AP2A2: variants seen among roughly 807,000 people sequenced by gnomAD.
AP2A2 encodes the protein adaptor related protein complex 2 subunit alpha 2, also known as AP-2 complex subunit alpha-2.
In AP2A2, 32 loss-of-function variants were observed where a neutral mutation model predicts 104.2. The ratio of observed to expected loss-of-function variants is 0.31; its 90% CI spans 0.23 to 0.41. The LOEUF (loss-of-function observed/expected upper bound fraction) is 0.41, where lower values mean the gene tolerates loss of function less well. Ranked by LOEUF, AP2A2 falls within the 10% of genes least tolerant of loss-of-function variation. AP2A2 has a pLI of 1.00. For synonymous variants in AP2A2, 539 were observed against 533.3 expected, an observed-to-expected ratio of 1.01 and a Z score of -0.15; for missense variants, 912 against 1,261.0, an observed-to-expected ratio of 0.72 and a Z score of 4.19.
At chr11:1,008,973 G>A (rs1856305765) in intron 18 of AP2A2, 127 bp from the exon 19 acceptor site, 3 of 727,118 alleles carry the variant, frequency 4.1e-6, no homozygotes, top group Admixed American at 2.5e-5. Context: ...CTGAAGGCTC[G>A]GCCCCCCGAC....
Position 1,011,812 on chromosome 11 carries a change from G to A in AP2A2, c.*1187G>A, listed in dbSNP as rs1171211936. 2 of 298,554 alleles carry A rather than the reference G, an allele frequency of 6.7e-6. No individual in the cohort carries two copies. Among genetic ancestry groups the A allele is most frequent in the Non-Finnish European group, 1.3e-5 (2 of 151,248 alleles). The allele number at this position is 298,554 out of a possible 1,614,324, so 18.5% of individuals were successfully genotyped here. A position where few individuals can be genotyped will look rare whatever the true frequency, so the allele number is the denominator to read the frequency against. On this transcript the variant is annotated 3_prime_UTR_variant, in exon 22 of 22. Transcript: ENST00000448903. Reference sequence around the variant, plus strand: ...GTTGCCTGCTGTGCGGGTCCCTGGGGCAGCTGCAGGGGCTCATGGACCCAT... The same window carrying A: ...GTTGCCTGCTGTGCGGGTCCCTGGGACAGCTGCAGGGGCTCATGGACCCAT...
chr11:1,003,393 A>G (rs2133777159), intron 15 of AP2A2, among the ~76,000 whole-genome samples: 2 of 152,360 alleles, frequency 1.3e-5, no homozygotes, highest in Middle Eastern at 6.8e-3. Flanking sequence ...TGGTGGGGCC[A>G]GAAGCTGTGT....
At chr11:985,310 TG>T in intron 7 of AP2A2, 124 bp from the exon 8 acceptor site, 2 of 1,282,470 alleles carry the variant, frequency 1.6e-6, no homozygotes, top group Non-Finnish European at 2.1e-6. Context: ...TGCTTCCAGC[TG>T]GGTACACAAA....
Position 986,935 on chromosome 11 carries a change from G to A in AP2A2, c.1113G>A (p.Thr371=), listed in dbSNP as rs754578586. 1.0e-5 allele frequency: 16 copies of A among 1,589,668 alleles called. No individual in the cohort carries two copies. The highest frequency in any genetic ancestry group is 1.7e-4 in the Middle Eastern group (1 of 6,058). The change falls in exon 9 of 22, where the codon ACG becomes ACA. Residue 371 remains threonine, a synonymous_variant. Transcript: ENST00000448903. ...SHEAVKTHIE[T]VINALKTERD... ...AGGCTGTCAAGACGCACATCGAGAC[G>A]GTCATCAACGCCCTGAAGGCGAGTG...
At chr11:944,446 C>CA (rs1461914840) in intron 1 of AP2A2, among the ~76,000 whole-genome samples, 1 of 152,208 alleles carries the variant, frequency 6.6e-6, no homozygotes, top group Admixed American at 6.5e-5. Flanking sequence ...ATGGAGCTTG[C>CA]ATTCTAGTGG....
chr11:947,355 G>C (rs1250265045), intron 1 of AP2A2, among the ~76,000 whole-genome samples: 1 of 152,102 alleles, frequency 6.6e-6, no homozygotes, highest in African/African-American at 2.4e-5. Flanking sequence ...TAATTATAAA[G>C]CTGTTTTGAT....
At position 926,108 on chromosome 11, in the gene AP2A2, T is replaced by TGGGGCC. The variant is rs761173840; in HGVS notation, c.67+34_67+39dup. ...GCAACTGTGAGTGGCGGGGGCGGCG[T>TGGGGCC]GGGGCCGGGGCCGGGGCCGCCGGCG... On this transcript the variant is annotated intron_variant, in intron 1 of 21. Transcript: ENST00000448903. The TGGGGCC allele has an allele frequency of 2.4e-4, 300 of 1,272,752 alleles. No individual in the cohort carries two copies. The highest frequency in any genetic ancestry group is 8.4e-4 in the African/African-American group (52 of 61,950). 78.8% of individuals were successfully genotyped at this position (1,272,752 alleles called of 1,614,324 possible).
At chr11:984,843 A>G (rs1855397141) in intron 7 of AP2A2, 90 bp downstream of exon 7, 3 of 1,114,902 alleles carry the variant, frequency 2.7e-6, no homozygotes, top group Non-Finnish European at 4.0e-6. Flanking sequence ...TATTTTAAGA[A>G]GTGTGTTACT....
At chr11:975,269 T>C (rs1854982632) in intron 4 of AP2A2, among the ~76,000 whole-genome samples, 1 of 151,826 alleles carries the variant, frequency 6.6e-6, no homozygotes, top group South Asian at 2.1e-4. Context: ...TGTAGGGTCC[T>C]CGGTATCCCT....
chr11:996,522 C>T (rs4077293), intron 14 of AP2A2, among the ~76,000 whole-genome samples: 50,411 of 152,028 alleles, frequency 0.33, 8,819 homozygotes, highest in Admixed American at 0.5. Flanking sequence ...ATACCCCAGG[C>T]CTTTGATCAC....
At chr11:1,006,482 A>G (rs758843373) in intron 16 of AP2A2, 46 bp from the exon 17 acceptor site, 1 of 1,304,024 alleles carries the variant, frequency 7.7e-7, no homozygotes, top group South Asian at 1.2e-5. Context: ...TATTCAGGGT[A>G]AGTGTGAAAT....
chr11:933,495 TG>T (rs1853354433), intron 1 of AP2A2: 2 of 454,332 alleles, frequency 4.4e-6, no homozygotes, highest in South Asian at 1.6e-5. Flanking sequence ...TTGAGGTGGG[TG>T]TTCCCGTGTA....
At chr11:935,429 A>G (rs1853420674) in intron 1 of AP2A2, among the ~76,000 whole-genome samples, 1 of 147,908 alleles carries the variant, frequency 6.8e-6, no homozygotes. Context: ...CGGCCTCTCA[A>G]AGTGCTGGGA....
chr11:997,329 C>G (rs1298414361), intron 14 of AP2A2, among the ~76,000 whole-genome samples: 1 of 152,218 alleles, frequency 6.6e-6, no homozygotes, highest in Non-Finnish European at 1.5e-5. Context: ...CCTGGCTTCA[C>G]ATGCAGGAGC....
chr11:986,431 C>T (rs943319453), intron 8 of AP2A2, among the ~76,000 whole-genome samples: 1 of 152,250 alleles, frequency 6.6e-6, no homozygotes, highest in African/African-American at 2.4e-5. Flanking sequence ...CTTCTCCCTG[C>T]CCTGGGCTGG....
In AP2A2 at chr11:1,011,324, G is replaced by A. The variant is rs759504487; in HGVS notation, c.*699G>A. On this transcript the variant is annotated 3_prime_UTR_variant, in exon 22 of 22. Coordinates refer to ENST00000448903, the MANE Select transcript of AP2A2 (RefSeq NM_012305.4). ...GCAGCCAGGGGAGGAGCGTCCTGCC[G>A]GCCCCGCAGGGCCCCCAGGACTCCA... The A allele has an allele frequency of 4.2e-5, 22 of 518,434 alleles. No individual in the cohort carries two copies. Among genetic ancestry groups the A allele is most frequent in the African/African-American group, 3.3e-4 (17 of 51,954 alleles). 32.1% of individuals were successfully genotyped at this position (518,434 alleles called of 1,614,324 possible). A position where few individuals can be genotyped will look rare whatever the true frequency, so the allele number is the denominator to read the frequency against.
chr11:939,957 T>G (rs1020266869), intron 1 of AP2A2, among the ~76,000 whole-genome samples: 5 of 143,668 alleles, frequency 3.5e-5, no homozygotes, highest in African/African-American at 1.3e-4. Context: ...CTTACTTTTT[T>G]TTTTTTTTTT....
At chr11:960,592 G>A (rs995423076) in intron 2 of AP2A2, among the ~76,000 whole-genome samples, 33 of 151,842 alleles carry the variant, frequency 2.2e-4, no homozygotes, top group African/African-American at 6.8e-4. Flanking sequence ...TGGTCAGGCC[G>A]GTCTCGAACT....
rs1191407944 is a variant in AP2A2, at chr11:988,622, C to T, written c.1202C>T (p.Ala401Val). Residue 401 changes from alanine to valine, a missense_variant, in exon 10 of 22, where the codon GCC (alanine) becomes GTC (valine). By Grantham distance (64) the Ala-to-Val change is moderately conservative. Transcript: ENST00000448903. ...TACGCCATGTGCGACCGCAGCAACGCCCCACAGATCGTGGCCGAGATGCTG... is the reference window on the plus strand; with the variant it reads ...TACGCCATGTGCGACCGCAGCAACGTCCCACAGATCGTGGCCGAGATGCTG... ...LLYAMCDRSN[A>V]PQIVAEMLSY... is the part of the protein sequence containing the mutation. 1 of 1,613,644 alleles carries T rather than the reference C, an allele frequency of 6.2e-7. No homozygotes were observed. The highest frequency in any genetic ancestry group is 1.7e-5 in the Admixed American group (1 of 60,032).
Sources: gnomAD v4.1 joint callset for allele counts (sites outside exome capture counted in the v4.1 genomes callset) on GRCh38, gnomAD v4.1.1 for gene constraint, MANE v1.5 for transcripts, NCBI Gene and HGNC (gene_info 2026-07-23, HGNC 2026-07-21) for gene names.